SRSF11: variants seen among roughly 807,000 people sequenced by gnomAD.
The protein encoded by SRSF11 is serine/arginine-rich splicing factor 11.
SRSF11 carries 9 observed loss-of-function variants against 56.0 expected under a neutral mutation model. The ratio of observed to expected loss-of-function variants is 0.16; its 90% confidence interval spans 0.10 to 0.28. The LOEUF (loss-of-function observed/expected upper bound fraction) is 0.28. SRSF11 is among the 10% of genes least tolerant of loss of function. The pLI is 1.00. For missense variants in SRSF11, 421 were observed against 600.7 expected, an observed-to-expected ratio of 0.70 and a Z score of 3.13; for synonymous variants, 222 against 215.3, an observed-to-expected ratio of 1.03 and a Z score of -0.27.
rs1414323741 is a variant in SRSF11 at position 70,229,331 on chromosome 1, T to C, written c.337+776T>C. The C allele has an allele frequency of 2.4e-6, 3 of 1,253,564 alleles. No homozygotes were observed. In the Admixed American group the frequency reaches 8.3e-5, roughly 34 times the overall value. The allele number at this position is 1,253,564 out of a possible 1,614,324, so 77.7% of individuals were successfully genotyped here. On this transcript the variant is annotated intron_variant, in intron 2 of 11. Transcript: ENST00000370949. ...CACTCAAGTGCCCCAAGTGTTTTCC[T>C]GGTGTAACCATTTGTTAACTACATT...
At chr1:70,223,314 A>G (rs1671059179) in intron 1 of SRSF11, among the ~76,000 whole-genome samples, 1 of 152,198 alleles carries the variant, frequency 6.6e-6, no homozygotes, top group Admixed American at 6.5e-5. Flanking sequence ...AATGCTGTTT[A>G]TTCTCTGAAG....
intron 9 of SRSF11, chr1:70,248,354 TG>T (rs1452254777): frequency 4.6e-5 from 7 of 152,094 alleles, no homozygotes; most frequent in African/African-American, 1.4e-4. Context: ...GGATGAAACT[TG>T]CAAACATCCA....
In SRSF11 at chr1:70,252,616, CTAA is replaced by C. The variant is rs1678111565; in HGVS notation, c.*1816_*1818del. ...TTGTCTATAGTGAGTAAAAGAAGTT[CTAA>C]TAATGGTCCTAATCACTGCATTTTT... is the stretch of plus-strand genomic sequence containing the variant. On this transcript the variant is annotated 3_prime_UTR_variant, in exon 12 of 12. Transcript: ENST00000370949. The C allele has an allele frequency of 1.3e-5, 2 of 151,864 alleles. No individual in the cohort carries two copies. The highest frequency in any genetic ancestry group is 4.8e-5 in the African/African-American group (2 of 41,330). 9.4% of individuals were successfully genotyped at this position (151,864 alleles called of 1,614,324 possible).
In SRSF11 at chr1:70,246,992, T is replaced by C. The variant is rs1278847095; in HGVS notation, c.1022+85T>C. The C allele has an allele frequency of 5.6e-6, 7 of 1,253,346 alleles. No homozygotes were observed. The Admixed American group carries it at 1.9e-4, about 33-fold the overall frequency. 77.6% of individuals were successfully genotyped at this position (1,253,346 alleles called of 1,614,324 possible). A position where few individuals can be genotyped will look rare whatever the true frequency, so the allele number is the denominator to read the frequency against. ...AGTACGCTGTCAGTATGAAGTCTTT[T>C]CCAGAACATAAGTATTTCAGTGTTG... On this transcript the variant is annotated intron_variant, in intron 9 of 11. Transcript: ENST00000370949.
intron 7 of SRSF11, among the ~76,000 whole-genome samples, chr1:70,240,258 ATTAAC>A (rs1426883349): frequency 1.2e-4 from 19 of 152,342 alleles, no homozygotes; most frequent in Admixed American, 3.9e-4. Context: ...ATTTAATAAA[ATTAAC>A]TTTACTGCTT....
At chr1:70,232,529 C>G (rs1248340500) in intron 3 of SRSF11, 152 bp downstream of exon 3, 1 of 599,202 alleles carries the variant, frequency 1.7e-6, no homozygotes, top group Admixed American at 3.4e-5. Context: ...TATAGAAGAT[C>G]TCTTAGACTT....
chr1:70,206,870 G>C (rs1210519074), intron 1 of SRSF11, among the ~76,000 whole-genome samples: 9 of 148,754 alleles, frequency 6.1e-5, no homozygotes, highest in African/African-American at 2.2e-4. Flanking sequence ...TACTAAAAAA[G>C]CAAAGAGTGG....
At chr1:70,221,038 G>A (rs1035258056), upstream of SRSF11, 1 of 152,090 alleles carries the variant, frequency 6.6e-6, no homozygotes, top group African/African-American at 2.4e-5. Context: ...ATCTTAGCTT[G>A]GGTTTAAATA....
intron 8 of SRSF11, among the ~76,000 whole-genome samples, chr1:70,245,999 A>C (rs1676658373): frequency 6.6e-6 from 1 of 152,138 alleles, no homozygotes; most frequent in Non-Finnish European, 1.5e-5. Context: ...ACCAATGATA[A>C]AGATTGAATG....
At chr1:70,232,012 G>A in intron 2 of SRSF11, 1 of 1,527,000 alleles carries the variant, frequency 6.5e-7, no homozygotes, top group Non-Finnish European at 8.8e-7. Context: ...AAAAAGTAGT[G>A]TGTATTGTGC....
At chr1:70,222,385 A>G (rs1558157199) in intron 1 of SRSF11, among the ~76,000 whole-genome samples, 1 of 152,208 alleles carries the variant, frequency 6.6e-6, no homozygotes, top group East Asian at 1.9e-4. Flanking sequence ...GTATAATGTC[A>G]AAAAACGGGT....
intron 1 of SRSF11, among the ~76,000 whole-genome samples, chr1:70,227,733 T>C (rs1464066711): frequency 6.6e-6 from 1 of 152,224 alleles, no homozygotes; most frequent in African/African-American, 2.4e-5. Flanking sequence ...TTGTCTTTCT[T>C]TTACCTAAGG....
chr1:70,231,485 T>G, intron 2 of SRSF11: 1 of 1,059,834 alleles, frequency 9.4e-7, no homozygotes, highest in Non-Finnish European at 1.1e-6. Flanking sequence ...CTAAGTTAGC[T>G]TTTCAACTGG....
intron 6 of SRSF11, among the ~76,000 whole-genome samples, chr1:70,238,570 T>A (rs1674630976): frequency 6.6e-6 from 1 of 152,220 alleles, no homozygotes; most frequent in Admixed American, 6.5e-5. Flanking sequence ...ATTTCCTTTC[T>A]ATATTTACAC....
chr1:70,210,163 CT>C (rs1051802515), intron 1 of SRSF11, among the ~76,000 whole-genome samples: 10 of 150,598 alleles, frequency 6.6e-5, no homozygotes, highest in Admixed American at 5.3e-4. Flanking sequence ...TCCCGCCCCC[CT>C]TTTTTTTTCC....
intron 3 of SRSF11, among the ~76,000 whole-genome samples, chr1:70,232,933 G>A (rs1187192802): frequency 7.2e-5 from 11 of 152,188 alleles, no homozygotes; most frequent in Admixed American, 7.2e-4. Flanking sequence ...TAAATACTGT[G>A]TATTCTAATT....
At chr1:70,250,179 G>C in intron 10 of SRSF11, 132 bp downstream of exon 10, 1 of 1,263,964 alleles carries the variant, frequency 7.9e-7, no homozygotes. Context: ...CTTCTGACTT[G>C]TGACTTAAAC....
chr1:70,213,981 T>C (rs568942436), intron 1 of SRSF11, among the ~76,000 whole-genome samples: 1 of 152,312 alleles, frequency 6.6e-6, no homozygotes, highest in South Asian at 2.1e-4. Context: ...TGAGTACACT[T>C]TCACTTTTTT....
chr1:70,235,522 C>T lies in SRSF11; in HGVS notation c.562C>T (p.Leu188=). 6.2e-7 allele frequency: 1 copy of T among 1,612,144 alleles called. No individual in the cohort carries two copies. The highest frequency in any genetic ancestry group is 8.5e-7 in the Non-Finnish European group (1 of 1,179,486). Reference sequence around the variant, plus strand: ...ACAGTCTCTTGCTGCAGATCAGTTGCTGAAGCTTATGAGTACTGTTGATCC... The same window carrying T: ...ACAGTCTCTTGCTGCAGATCAGTTGTTGAAGCTTATGAGTACTGTTGATCC... ...NSQSLAADQL[L]KLMSTVDPKL... The change falls in exon 5 of 12, where the codon CTG becomes TTG. Residue 188 remains leucine (L), a synonymous_variant. Coordinates refer to ENST00000370949, the MANE Select transcript of SRSF11 (RefSeq NM_001350605.2).
Sources: gnomAD v4.1 joint callset for allele counts (sites outside exome capture counted in the v4.1 genomes callset) on GRCh38, gnomAD v4.1.1 for gene constraint, MANE v1.5 for transcripts, NCBI Gene and HGNC (gene_info 2026-07-23, HGNC 2026-07-21) for gene names.